Variants in MED10 observed in about 807,000 individuals in gnomAD.
The protein encoded by MED10 is mediator of RNA polymerase II transcription subunit 10.
MED10 carries 9 observed loss-of-function variants against 17.2 expected under a neutral mutation model. The ratio of observed to expected loss-of-function variants is 0.52; its 90% confidence interval spans 0.31 to 0.91. The LOEUF is 0.91. Among genes scored for constraint, MED10 ranks in the 40% least tolerant of loss-of-function variants. The pLI is 0.04. For synonymous variants in MED10, 66 were observed against 59.8 expected (o/e 1.10, Z -0.48); for missense variants, 129 against 164.8 (o/e 0.78, Z 1.19).
chr5:6,373,568 CAGG>C (rs1293892236), intron 3 of MED10, among the ~76,000 whole-genome samples: 1 of 151,936 alleles, frequency 6.6e-6, no homozygotes, highest in Non-Finnish European at 1.5e-5. Flanking sequence ...GAGAAGATGA[CAGG>C]AGAAAAGAAC....
intron 2 of MED10, 73 bp from the exon 3 acceptor site, chr5:6,374,499 G>A (rs1737953312): frequency 2.8e-6 from 3 of 1,068,480 alleles, no homozygotes; most frequent in Non-Finnish European, 4.4e-6. Context: ...GAAAGGTATG[G>A]GGGAATAAAG....
In MED10 at chr5:6,374,319, C is replaced by A; in HGVS notation, c.309+5G>T. 8 of 1,602,076 alleles carry A rather than the reference C, an allele frequency of 5.0e-6. No individual in the cohort carries two copies. Among genetic ancestry groups the A allele is most frequent in the Non-Finnish European group, 6.8e-6 (8 of 1,169,036 alleles). On this transcript the variant is annotated splice_donor_5th_base_variant and intron_variant, in intron 3 of 3. Transcript: ENST00000255764. ...CTGTATTTCTGACACTCCTTAGAGT[C>A]TTACCTTCATGGTGTCGATCTTGCC...
At chr5:6,376,998 G>C in intron 2 of MED10, 168 bp downstream of exon 2, 2 of 439,696 alleles carry the variant, frequency 4.5e-6, no homozygotes, top group Non-Finnish European at 8.1e-6. Context: ...CATAAGGGCA[G>C]GTATTTTTGT....
intron 1 of MED10, 135 bp downstream of exon 1, chr5:6,378,227 G>A (rs1738040709): frequency 1.6e-6 from 2 of 1,277,802 alleles, no homozygotes; most frequent in Admixed American, 3.0e-5. Flanking sequence ...CCCGGGCTCC[G>A]GGACCAGACC....
rs776625501 is a variant in MED10 at position 6,374,336 on chromosome 5, G to A, written c.297C>T (p.Ile99=). ...CTTAGAGTCTTACCTTCATGGTGTCGATCTTGCCTTTAACTTGCTCATTTT... is the reference window on the plus strand; with the variant it reads ...CTTAGAGTCTTACCTTCATGGTGTCAATCTTGCCTTTAACTTGCTCATTTT... The part of the protein sequence containing the change: ...LAKNEQVKGK[I]DTMKKFKSLL... The change falls in exon 3 of 4, where the codon ATC becomes ATT. Residue 99 remains isoleucine, a synonymous_variant. Coordinates refer to ENST00000255764, the MANE Select transcript of MED10 (RefSeq NM_032286.3). The A allele has an allele frequency of 1.2e-5, 20 of 1,610,838 alleles. No homozygotes were observed. The highest frequency in any genetic ancestry group is 1.4e-5 in the Non-Finnish European group (16 of 1,177,172).
chr5:6,372,641 A>C (rs1737912008), intron 3 of MED10, 40 bp from the exon 4 acceptor site: 1 of 1,490,274 alleles, frequency 6.7e-7, no homozygotes, highest in African/African-American at 1.4e-5. Flanking sequence ...TCTTCACATC[A>C]ACACTCCAAT....
intron 1 of MED10, among the ~76,000 whole-genome samples, chr5:6,377,562 G>C (rs759538364): frequency 1.3e-5 from 2 of 152,234 alleles, no homozygotes; most frequent in African/African-American, 4.8e-5. Context: ...ATATGACTGT[G>C]TGTGCGGTTT....
At position 6,377,929 on chromosome 5, in the gene MED10, G is replaced by A. The variant is rs115598180; in HGVS notation, c.122+433C>T. The stretch of plus-strand genomic sequence containing the variant: ...CAGGCCTATGCGGCAGGTGGCTTCG[G>A]AGCCTCACCTTCTGAGGCCTAGTTT... On this transcript the variant is annotated intron_variant, in intron 1 of 3. Transcript: ENST00000255764. Among the ~76,000 whole-genome samples the A allele has an allele frequency of 6.2e-3, 944 of 152,324 alleles. 8 individuals carry two copies. The highest frequency in any genetic ancestry group is 0.021 in the African/African-American group (889 of 41,576).
Position 6,372,413 on chromosome 5 carries a change from C to G in MED10, c.*90G>C. On this transcript the variant is annotated 3_prime_UTR_variant, in exon 4 of 4. Transcript: ENST00000255764. ...GGGTGTGTCCAGGGCCCAGTCCCACCTCAGCAGGAAGGTGGCGTCAGCACT... is the reference window on the plus strand; with the variant it reads ...GGGTGTGTCCAGGGCCCAGTCCCACGTCAGCAGGAAGGTGGCGTCAGCACT... 9.1e-7 allele frequency: 1 copy of G among 1,103,136 alleles called. No homozygotes were observed. The highest frequency in any genetic ancestry group is 1.4e-6 in the Non-Finnish European group (1 of 721,944). 68.3% of individuals were successfully genotyped at this position (1,103,136 alleles called of 1,614,324 possible).
chr5:6,374,818 C>G (rs116773796), intron 2 of MED10: 1,902 of 177,452 alleles, frequency 0.011, 43 homozygotes, highest in African/African-American at 0.043. Flanking sequence ...TAAATGAGAT[C>G]CAGGGGTTCG....
intron 3 of MED10, 144 bp from the exon 4 acceptor site, chr5:6,372,745 G>T: frequency 1.6e-6 from 1 of 631,986 alleles, no homozygotes; most frequent in Non-Finnish European, 2.8e-6. Context: ...ACTGATCTCA[G>T]AGAGGAAATG....
intron 3 of MED10, among the ~76,000 whole-genome samples, chr5:6,373,607 CA>C (rs1737931699): frequency 6.6e-6 from 1 of 152,048 alleles, no homozygotes; most frequent in Non-Finnish European, 1.5e-5. Flanking sequence ...GGATGTATTC[CA>C]GAACCGAAAA....
rs769678466 is a variant in MED10 at position 6,377,212 on chromosome 5, A to T, written c.160T>A (p.Cys54Ser). 1.2e-5 allele frequency: 20 copies of T among 1,610,268 alleles called. No individual in the cohort carries two copies. The South Asian group carries it at 1.4e-4, about 12-fold the overall frequency. The change falls in exon 2 of 4, where the codon TGC (cysteine) becomes AGC (serine). Residue 54 changes from cysteine (C) to serine (S), a missense_variant. By Grantham distance (112) the Cys-to-Ser change is moderately radical. This residue lies in a region of MED10 where 100 missense variants were observed against 121.0 expected (regional missense o/e 0.83). Transcript: ENST00000255764. ...GTAATATCATGAAGCTGCTGTCTGCACTTGTCAATATCCTGTAAGCCAGTA... is the reference window on the plus strand; with the variant it reads ...GTAATATCATGAAGCTGCTGTCTGCTCTTGTCAATATCCTGTAAGCCAGTA... ...IVTGLQDIDK[C>S]RQQLHDITVP... is the part of the protein sequence containing the mutation.
At position 6,373,123 on chromosome 5, in the gene MED10, G is replaced by A. The variant is rs373760528; in HGVS notation, c.310-522C>T. The stretch of plus-strand genomic sequence containing the variant: ...AACTATGACAAAACACCACTTCTGA[G>A]GTGTGCTGTTTACCACCAGGAGGGG... On this transcript the variant is annotated intron_variant, in intron 3 of 3. Transcript: ENST00000255764. Among the ~76,000 whole-genome samples, 42 of 152,220 alleles carry A rather than the reference G, an allele frequency of 2.8e-4. No homozygotes were observed. The South Asian group carries it at 8.3e-3, about 30-fold the overall frequency.
chr5:6,377,522 C>T (rs2111437711), intron 1 of MED10, among the ~76,000 whole-genome samples: 1 of 152,286 alleles, frequency 6.6e-6, no homozygotes, highest in South Asian at 2.1e-4. Context: ...AAATATGAAC[C>T]TTCTCTCAAA....
At chr5:6,377,342 G>T (rs780384956) in intron 1 of MED10, 93 bp from the exon 2 acceptor site, 3 of 824,152 alleles carry the variant, frequency 3.6e-6, no homozygotes, top group Non-Finnish European at 3.9e-6. Flanking sequence ...GGGGCTCCAC[G>T]CAAGTTCGTT....
At chr5:6,372,674 G>C in intron 3 of MED10, 73 bp from the exon 4 acceptor site, 1 of 1,309,722 alleles carries the variant, frequency 7.6e-7, no homozygotes, top group Non-Finnish European at 1.1e-6. Flanking sequence ...TATGCCTTTT[G>C]GAAGTTTAAA....
At chr5:6,375,796 G>A (rs748059179) in intron 2 of MED10, among the ~76,000 whole-genome samples, 32 of 152,180 alleles carry the variant, frequency 2.1e-4, no homozygotes, top group Non-Finnish European at 3.1e-4. Context: ...ACCAACCACC[G>A]ATTTGCAGAT....
At position 6,374,315 on chromosome 5, in the gene MED10, G is replaced by A. The variant is rs369423571; in HGVS notation, c.309+9C>T. The A allele has an allele frequency of 1.8e-5, 29 of 1,590,260 alleles. No homozygotes were observed. The African/African-American group carries it at 2.6e-4, about 14-fold the overall frequency. ...CCCACTGTATTTCTGACACTCCTTA[G>A]AGTCTTACCTTCATGGTGTCGATCT... On this transcript the variant is annotated intron_variant, in intron 3 of 3. Transcript: ENST00000255764.
Sources: gnomAD v4.1 joint callset for allele counts (sites outside exome capture counted in the v4.1 genomes callset) on GRCh38, gnomAD v4.1.1 for gene constraint, gnomAD v4.1.1 regional missense constraint, MANE v1.5 for transcripts, NCBI Gene and HGNC (gene_info 2026-07-23, HGNC 2026-07-21) for gene names.